The following DMBT1 variants were observed in gnomAD, a reference collection of about 807,000 sequenced individuals.
DMBT1 encodes the protein scavenger receptor cysteine-rich domain-containing protein DMBT1.
A neutral mutation model predicts 252.9 loss-of-function variants in DMBT1; 198 were observed. The ratio of observed to expected loss-of-function variants is 0.78; its 90% CI spans 0.70 to 0.88. The LOEUF is 0.88. Among genes scored for constraint, DMBT1 ranks in the 40% least tolerant of loss-of-function variants. The pLI, the probability that DMBT1 is intolerant of heterozygous loss-of-function variation, is 0.00. For missense variants in DMBT1, 2,432 were observed against 2,404.7 expected (o/e 1.01, Z -0.24); for synonymous variants, 990 against 942.7 (o/e 1.05, Z -0.92).
At chr10:122,630,830 A>C (rs2098158549) in intron 48 of DMBT1, 131 bp from the exon 49 acceptor site, 4 of 1,031,050 alleles carry the variant, frequency 3.9e-6, no homozygotes, top group Non-Finnish European at 5.6e-6. Flanking sequence ...CCTCCACCCC[A>C]GCTTTTCCAC....
intron 17 of DMBT1, among the ~76,000 whole-genome samples, chr10:122,589,487 C>T (rs911699649): frequency 1.4e-5 from 2 of 148,136 alleles, no homozygotes; most frequent in African/African-American, 4.9e-5. Flanking sequence ...AGGGTCATGC[C>T]TTTGTTCCCC....
At position 122,576,669 on chromosome 10, in the gene DMBT1, G is replaced by A; in HGVS notation, c.554G>A (p.Gly185Asp). Residue 185 changes from glycine to aspartate, a missense_variant, in exon 7 of 56, where the codon GGC becomes GAC. By Grantham distance (94) the Gly-to-Asp change is moderately conservative (BLOSUM62 -1). This residue lies in a region of DMBT1 where 1,264 missense variants were observed against 1,082.2 expected (regional missense o/e 1.17). Transcript: ENST00000338354. ...ESYLWSCPHN[G>D]WLSHNCGHGE... ...TACCTGTGGAGCTGCCCCCACAATG[G>A]CTGGCTCTCCCATAACTGTGGCCAT... 1 of 1,613,788 alleles carries A rather than the reference G, an allele frequency of 6.2e-7. No individual in the cohort carries two copies. The highest frequency in any genetic ancestry group is 8.5e-7 in the Non-Finnish European group (1 of 1,179,726).
Position 122,572,333 on chromosome 10 carries a change from G to C in DMBT1, c.207G>C (p.Glu69Asp). ...CTGCAGGTTCTCCGATTTCCTTGGA[G>C]TCAACCCTGGAGTCAACCGTAGCAG... The part of the protein sequence containing the change: ...TVAEGSPISL[E>D]STLESTVAEG... Residue 69 changes from glutamate to aspartate, a missense_variant, in exon 5 of 56, where the codon GAG becomes GAC. Around this residue, in one of 3 missense-constraint regions of DMBT1, gnomAD observed 1,264 missense variants for 1,082.2 expected, o/e 1.17. Transcript: ENST00000338354. 1.2e-6 allele frequency: 2 copies of C among 1,613,306 alleles called. No individual in the cohort carries two copies. Among genetic ancestry groups the C allele is most frequent in the South Asian group, 2.2e-5 (2 of 91,078 alleles).
rs746850310 is a variant in DMBT1 at position 122,576,584 on chromosome 10, T to C, written c.469T>C (p.Phe157Leu). The C allele has an allele frequency of 1.9e-6, 3 of 1,613,868 alleles. No homozygotes were observed. In the South Asian group the frequency reaches 3.3e-5, roughly 18 times the overall value. ...WAMSAPGNAW[F>L]GQGSGPIALD... ...CATGTCAGCTCCAGGAAATGCCTGG[T>C]TTGGCCAGGGCTCAGGACCCATTGC... The change falls in exon 7 of 56, where the codon TTT (phenylalanine) becomes CTT (leucine). Residue 157 changes from phenylalanine (F) to leucine (L), a missense_variant. Physicochemically the swap from Phe to Leu is conservative, Grantham distance 22 (BLOSUM62 0). Around this residue, in one of 3 missense-constraint regions of DMBT1, gnomAD observed 1,264 missense variants for 1,082.2 expected, o/e 1.17. Transcript: ENST00000338354.
intron 17 of DMBT1, 54 bp from the exon 18 acceptor site, chr10:122,590,611 T>G: frequency 1.3e-6 from 2 of 1,574,442 alleles, no homozygotes; most frequent in South Asian, 2.3e-5. Context: ...ACCTTTGTTC[T>G]GGTTTTGCCA....
intron 2 of DMBT1, among the ~76,000 whole-genome samples, chr10:122,569,515 A>G (rs191161837): frequency 1.3e-5 from 2 of 152,340 alleles, no homozygotes; most frequent in East Asian, 3.9e-4. Flanking sequence ...AGAAACCTTC[A>G]AGGACACTGT....
At chr10:122,577,671 G>A (rs1415658190) in intron 7 of DMBT1, 140 bp from the exon 8 acceptor site, 14 of 869,426 alleles carry the variant, frequency 1.6e-5, no homozygotes, top group Middle Eastern at 2.6e-4. Context: ...AGGGCTTCAC[G>A]GTGGGCACTG....
rs181812372 is a variant in DMBT1 at position 122,568,315 on chromosome 10, C to G, written c.92-1847C>G. Reference sequence around the variant, plus strand: ...GGCCACTGAAAATGCTGGTCTAGAGCTCAGGGCTGGGCTGTCAGGGCTGAG... The same window carrying G: ...GGCCACTGAAAATGCTGGTCTAGAGGTCAGGGCTGGGCTGTCAGGGCTGAG... On this transcript the variant is annotated intron_variant, in intron 2 of 55. Coordinates refer to ENST00000338354, the MANE Select transcript of DMBT1 (RefSeq NM_001377530.1). Among the ~76,000 whole-genome samples the G allele has an allele frequency of 5.3e-5, 8 of 152,146 alleles. 1 individual carries two copies. The South Asian group carries it at 6.3e-4, about 12-fold the overall frequency.
chr10:122,564,152 G>A (rs568951880), intron 1 of DMBT1, among the ~76,000 whole-genome samples: 1 of 152,338 alleles, frequency 6.6e-6, no homozygotes, highest in East Asian at 1.9e-4. Context: ...AAGCAGGGCA[G>A]CTGGGGGAGC....
At chr10:122,588,162 A>G (rs1347215958) in intron 16 of DMBT1, among the ~76,000 whole-genome samples, 6 of 148,670 alleles carry the variant, frequency 4.0e-5, no homozygotes, top group African/African-American at 1.2e-4. Flanking sequence ...CATCAACAGT[A>G]GGTACAGAAT....
chr10:122,587,687 G>A (rs17103732), intron 16 of DMBT1, among the ~76,000 whole-genome samples: 13,022 of 148,084 alleles, frequency 0.088, 1,538 homozygotes, highest in East Asian at 0.21. Flanking sequence ...ATCTACATGC[G>A]GAAAGGCAGA....
chr10:122,564,034 C>A (rs1182308755), intron 1 of DMBT1, among the ~76,000 whole-genome samples: 2 of 152,176 alleles, frequency 1.3e-5, no homozygotes, highest in Non-Finnish European at 2.9e-5. Context: ...CCCTAGTTTG[C>A]TATCTCTGTT....
chr10:122,620,422 T>A (rs2098053704), intron 43 of DMBT1, 131 bp downstream of exon 43: 2 of 1,093,590 alleles, frequency 1.8e-6, no homozygotes, highest in Non-Finnish European at 2.7e-6. Context: ...CCTGGGGAGG[T>A]AGACTCCCTG....
At chr10:122,585,465 T>A (rs539819830) in intron 15 of DMBT1, among the ~76,000 whole-genome samples, 156 bp downstream of exon 15, 10 of 147,944 alleles carry the variant, frequency 6.8e-5, no homozygotes, top group Non-Finnish European at 1.4e-4. Context: ...GGGACCCAGC[T>A]GTGGGTCTGA....
Position 122,600,085 on chromosome 10 carries a change from C to G in DMBT1, c.3302C>G (p.Pro1101Arg), listed in dbSNP as rs774369241. The part of the protein sequence containing the change: ...ICSASQSRPT[P>R]SPDTWPTSHA... ...ACAGCTTCCCAGTCCCGGCCAACAC[C>G]TAGTCCAGGTGGGTCCCCAGTGTCC... The change falls in exon 27 of 56, where the codon CCT becomes CGT. Residue 1101 changes from proline to arginine, a missense_variant. Pro to Arg is a moderately radical substitution (Grantham distance 103). This residue lies in a region of DMBT1 where 1,264 missense variants were observed against 1,082.2 expected (regional missense o/e 1.17). Coordinates refer to ENST00000338354, the MANE Select transcript of DMBT1 (RefSeq NM_001377530.1). 175 of 1,607,098 alleles carry G rather than the reference C, an allele frequency of 1.1e-4. 9 individuals are homozygous for G. The highest frequency in any genetic ancestry group is 1.4e-4 in the Non-Finnish European group (160 of 1,178,254).
At chr10:122,630,077 C>A in intron 47 of DMBT1, 84 bp downstream of exon 47, 1 of 1,561,110 alleles carries the variant, frequency 6.4e-7, no homozygotes, top group Non-Finnish European at 8.7e-7. Context: ...GGCTGGGATG[C>A]TTTTCACTCT....
At position 122,636,204 on chromosome 10, in the gene DMBT1, G is replaced by A; in HGVS notation, c.6757+5G>A. ...GTCCCTCCAATGACAGCACCAGTAA[G>A]TCCCCTTGTGGAAATGCTCTGTTGG... On this transcript the variant is annotated splice_donor_5th_base_variant and intron_variant, in intron 53 of 55. Transcript: ENST00000338354. 3.7e-6 allele frequency: 6 copies of A among 1,610,508 alleles called. No homozygotes were observed. Among genetic ancestry groups the A allele is most frequent in the Non-Finnish European group, 5.1e-6 (6 of 1,177,268 alleles).
intron 20 of DMBT1, among the ~76,000 whole-genome samples, chr10:122,593,291 C>T (rs1164957444): frequency 1.3e-5 from 2 of 148,496 alleles, no homozygotes; most frequent in Admixed American, 6.6e-5. Context: ...GACTCAGGAA[C>T]ACCTAAGATG....
In DMBT1 at chr10:122,593,583, C is replaced by T; in HGVS notation, c.2515C>T (p.Pro839Ser). The T allele has an allele frequency of 6.3e-7, 1 of 1,587,608 alleles. No individual in the cohort carries two copies. The highest frequency in any genetic ancestry group is 1.3e-5 in the African/African-American group (1 of 74,370). ...GVICSVSQSR[P>S]TPSPDTWPTS... ...CTTTCTCACAGTTTCCCAGTCCCGG[C>T]CGACACCCAGTCCAGGTAGGTCCCC... The change falls in exon 21 of 56, where the codon CCG becomes TCG. Residue 839 changes from proline to serine, a missense_variant. This residue lies in a region of DMBT1 where 1,264 missense variants were observed against 1,082.2 expected (regional missense o/e 1.17). Coordinates refer to ENST00000338354, the MANE Select transcript of DMBT1 (RefSeq NM_001377530.1).
Sources: gnomAD v4.1 joint callset for allele counts (sites outside exome capture counted in the v4.1 genomes callset) on GRCh38, gnomAD v4.1.1 for gene constraint, gnomAD v4.1.1 regional missense constraint, MANE v1.5 for transcripts, NCBI Gene and HGNC (gene_info 2026-07-23, HGNC 2026-07-21) for gene names.